Variants in GRID2 observed in about 807,000 individuals in gnomAD.
GRID2 encodes glutamate ionotropic receptor delta type subunit 2, also known as glutamate receptor ionotropic, delta-2.
In GRID2, 33 loss-of-function variants were observed where a neutral mutation model predicts 114.8. The ratio of observed to expected loss-of-function variants is 0.29; its 90% CI spans 0.22 to 0.38. The LOEUF (loss-of-function observed/expected upper bound fraction) is 0.38. GRID2 is among the 10% of genes least tolerant of loss of function. GRID2 has a pLI of 1.00. For missense variants in GRID2, 1,184 were observed against 1,257.7 expected (o/e 0.94, Z 0.89); for synonymous variants, 505 against 449.9 (o/e 1.12, Z -1.55).
intron 1 of GRID2, among the ~76,000 whole-genome samples, chr4:92,487,785 C>G (rs1334209515): frequency 1.3e-5 from 2 of 151,372 alleles, no homozygotes; most frequent in Admixed American, 1.3e-4. Context: ...TTATTTTTTC[C>G]TGCTACATAG....
chr4:92,366,121 T>C (rs569477537), intron 1 of GRID2, among the ~76,000 whole-genome samples: 1 of 152,168 alleles, frequency 6.6e-6, no homozygotes, highest in African/African-American at 2.4e-5. Flanking sequence ...AACTTGCTTA[T>C]CATATCAATA....
chr4:92,840,181 T>C (rs1742779784), intron 2 of GRID2, among the ~76,000 whole-genome samples: 1 of 152,080 alleles, frequency 6.6e-6, no homozygotes, highest in South Asian at 2.1e-4. Context: ...TATTTTTTCA[T>C]ACTTTTATTT....
intron 14 of GRID2, among the ~76,000 whole-genome samples, chr4:93,677,873 C>T (rs190551782): frequency 6.6e-6 from 1 of 151,948 alleles, no homozygotes; most frequent in Non-Finnish European, 1.5e-5. Flanking sequence ...AAGCAGAGCG[C>T]CTCTCCTCCT....
intron 13 of GRID2, among the ~76,000 whole-genome samples, chr4:93,520,102 C>T (rs1485986382): frequency 6.6e-6 from 1 of 152,130 alleles, no homozygotes; most frequent in Non-Finnish European, 1.5e-5. Flanking sequence ...AGTAAGCTTA[C>T]CCCAGTTTTA....
At chr4:92,545,781 A>G (rs1047255762) in intron 1 of GRID2, among the ~76,000 whole-genome samples, 1 of 152,128 alleles carries the variant, frequency 6.6e-6, no homozygotes. Context: ...TCATCTATTT[A>G]TGCAATTGCA....
intron 3 of GRID2, among the ~76,000 whole-genome samples, chr4:93,109,245 T>A (rs1296715883): frequency 1.3e-5 from 2 of 152,212 alleles, no homozygotes; most frequent in Non-Finnish European, 2.9e-5. Context: ...TCTTTTAACC[T>A]GCTTTGATGG....
At chr4:93,208,956 A>C (rs530439008) in intron 5 of GRID2, among the ~76,000 whole-genome samples, 2 of 152,050 alleles carry the variant, frequency 1.3e-5, no homozygotes, top group Admixed American at 6.6e-5. Context: ...AAATATTTTC[A>C]TTTCAATTTT....
intron 13 of GRID2, among the ~76,000 whole-genome samples, chr4:93,540,760 G>A (rs1038409933): frequency 7.2e-5 from 11 of 152,184 alleles, no homozygotes; most frequent in African/African-American, 2.7e-4. Context: ...CCAGGCAGGA[G>A]TCCAGCTACA....
intron 2 of GRID2, among the ~76,000 whole-genome samples, chr4:92,913,638 C>G (rs1560694176): frequency 6.6e-6 from 1 of 152,006 alleles, no homozygotes; most frequent in East Asian, 1.9e-4. Flanking sequence ...AACTGCAGCA[C>G]TTGAAAACCA....
rs1189670892 is a variant in GRID2, at chr4:93,526,183, A to G, written c.2193+10772A>G. Among the ~76,000 whole-genome samples, 10 of 152,272 alleles carry G rather than the reference A, an allele frequency of 6.6e-5. No individual in the cohort carries two copies. In the South Asian group the frequency reaches 1.9e-3, roughly 28 times the overall value. On this transcript the variant is annotated intron_variant, in intron 13 of 15. Coordinates refer to ENST00000282020, the MANE Select transcript of GRID2 (RefSeq NM_001510.4). ...TAGTTTCTCCCGTGCTGTTCTCACAATAGTGAGTGAGTTCTTGCCGAGCTA... is the reference window on the plus strand; with the variant it reads ...TAGTTTCTCCCGTGCTGTTCTCACAGTAGTGAGTGAGTTCTTGCCGAGCTA...
chr4:93,151,393 A>G (rs892492791), intron 4 of GRID2, among the ~76,000 whole-genome samples: 1 of 152,006 alleles, frequency 6.6e-6, no homozygotes, highest in African/African-American at 2.4e-5. Flanking sequence ...TGCACCTCAA[A>G]AGGAGAAATA....
At chr4:92,727,097 T>G (rs1212157700) in intron 2 of GRID2, among the ~76,000 whole-genome samples, 1 of 152,064 alleles carries the variant, frequency 6.6e-6, no homozygotes, top group Non-Finnish European at 1.5e-5. Flanking sequence ...AATATTTATC[T>G]GAATTTCTCT....
At chr4:93,421,272 G>A (rs1004308047) in intron 9 of GRID2, among the ~76,000 whole-genome samples, 2 of 152,088 alleles carry the variant, frequency 1.3e-5, no homozygotes, top group African/African-American at 4.8e-5. Flanking sequence ...CATGAAGCAA[G>A]CCACTTTGCC....
chr4:93,086,754 A>G (rs1730360721), intron 3 of GRID2, among the ~76,000 whole-genome samples: 2 of 152,178 alleles, frequency 1.3e-5, no homozygotes, highest in African/African-American at 4.8e-5. Context: ...TAAAGTAAGG[A>G]TTGAACTCAA....
intron 1 of GRID2, among the ~76,000 whole-genome samples, chr4:93,784,328 G>T (rs946642791): frequency 2.0e-5 from 3 of 151,618 alleles, no homozygotes; most frequent in Non-Finnish European, 4.4e-5. Context: ...TTTTTTTTCT[G>T]TGGTATTTCT....
intron 12 of GRID2, among the ~76,000 whole-genome samples, chr4:93,497,695 A>C (rs988977509): frequency 1.3e-5 from 2 of 151,388 alleles, no homozygotes; most frequent in African/African-American, 4.8e-5. Flanking sequence ...CTGTGTTCCT[A>C]CCCTGTTTCA....
intron 2 of GRID2, among the ~76,000 whole-genome samples, chr4:92,861,457 C>CTTTTTCTCATGCTGT (rs1744528456): frequency 6.6e-6 from 1 of 152,144 alleles, no homozygotes; most frequent in Non-Finnish European, 1.5e-5. Context: ...AAGCAATCAT[C>CTTTTTCTCATGCTGT]TTTTTCTCAT....
rs149583583 is a variant in GRID2 at position 92,770,599 on chromosome 4, C to T, written c.244+180313C>T. The stretch of plus-strand genomic sequence containing the variant: ...CACGTGGCTGGGGAGGCCTCACAAT[C>T]ATGGTGGAAGGTGAAAGGCAAGGAG... On this transcript the variant is annotated intron_variant, in intron 2 of 15. Coordinates refer to ENST00000282020, the MANE Select transcript of GRID2 (RefSeq NM_001510.4). Among the ~76,000 whole-genome samples the T allele has an allele frequency of 1.2e-3, 185 of 152,228 alleles. 1 individual carries two copies. Among genetic ancestry groups the T allele is most frequent in the African/African-American group, 4.3e-3 (178 of 41,534 alleles).
At position 93,350,372 on chromosome 4, in the gene GRID2, T is replaced by C. The variant is rs147662275; in HGVS notation, c.1246-45235T>C. Among the ~76,000 whole-genome samples the C allele has an allele frequency of 5.0e-4, 76 of 152,214 alleles. No homozygotes were observed. In the East Asian group the frequency reaches 5.0e-3, roughly 10 times the overall value. ...ACCATTGCACATGTCATTCCTTCTG[T>C]TGGCAATATCCTTCCAAGACATCAA... On this transcript the variant is annotated intron_variant, in intron 8 of 15. Transcript: ENST00000282020.
Sources: gnomAD v4.1 joint callset for allele counts (sites outside exome capture counted in the v4.1 genomes callset) on GRCh38, gnomAD v4.1.1 for gene constraint, MANE v1.5 for transcripts, NCBI Gene and HGNC (gene_info 2026-07-23, HGNC 2026-07-21) for gene names.